TIAM1: variants seen among roughly 807,000 people sequenced by gnomAD.
The protein encoded by TIAM1 is TIAM Rac1 associated GEF 1, also known as rho guanine nucleotide exchange factor TIAM1.
TIAM1 carries 65 observed loss-of-function variants against 163.5 expected under a neutral mutation model. That is an observed-to-expected ratio of 0.40 (90% CI 0.33 to 0.49). TIAM1 has a LOEUF of 0.49. Ranked by LOEUF, TIAM1 falls within the 20% of genes least tolerant of loss-of-function variation. The pLI, the probability that TIAM1 is intolerant of heterozygous loss-of-function variation, is 0.77. For missense variants in TIAM1, 1,789 were observed against 2,044.7 expected (o/e 0.87, Z 2.41); for synonymous variants, 833 against 810.1 (o/e 1.03, Z -0.48).
chr21:31,244,315 C>T (rs553963482), intron 6 of TIAM1, among the ~76,000 whole-genome samples: 1 of 152,284 alleles, frequency 6.6e-6, no homozygotes, highest in South Asian at 2.1e-4. Context: ...TATATTCTTA[C>T]GGTCCTTGTC....
intron 2 of TIAM1, among the ~76,000 whole-genome samples, chr21:31,307,277 G>C (rs2074748798): frequency 6.6e-6 from 1 of 152,122 alleles, no homozygotes; most frequent in Non-Finnish European, 1.5e-5. Context: ...GTCCTCACCA[G>C]AGTATCCACA....
At chr21:31,526,555 T>TATGACAATGCTTTCCC (rs1464266966) in intron 1 of TIAM1, among the ~76,000 whole-genome samples, 3 of 152,144 alleles carry the variant, frequency 2.0e-5, no homozygotes, top group Non-Finnish European at 4.4e-5. Flanking sequence ...TCTAAGACGA[T>TATGACAATGCTTTCCC]ATGACAATGC....
At chr21:31,390,117 T>G (rs756467647) in intron 2 of TIAM1, among the ~76,000 whole-genome samples, 7 of 152,240 alleles carry the variant, frequency 4.6e-5, no homozygotes, top group Admixed American at 6.5e-5. Flanking sequence ...TTTTGGAGAA[T>G]TTATACTTAC....
At chr21:31,505,226 G>A (rs944173883) in intron 1 of TIAM1, among the ~76,000 whole-genome samples, 3 of 152,144 alleles carry the variant, frequency 2.0e-5, no homozygotes, top group Non-Finnish European at 2.9e-5. Context: ...GATAGAGATC[G>A]TGAATCCACC....
At chr21:31,433,638 A>G (rs7283519) in intron 2 of TIAM1, among the ~76,000 whole-genome samples, 11,994 of 152,202 alleles carry the variant, frequency 0.079, 1,559 homozygotes, top group African/African-American at 0.27. Context: ...AGGCTGAGAG[A>G]TTTTAATTAT....
At chr21:31,294,821 G>A (rs918704393) in intron 2 of TIAM1, among the ~76,000 whole-genome samples, 2 of 152,118 alleles carry the variant, frequency 1.3e-5, no homozygotes, top group African/African-American at 2.4e-5. Context: ...TGCCTCACTC[G>A]CACAAGCACG....
At chr21:31,187,888 C>G (rs1451720587) in intron 13 of TIAM1, among the ~76,000 whole-genome samples, 3 of 152,002 alleles carry the variant, frequency 2.0e-5, no homozygotes, top group African/African-American at 4.8e-5. Flanking sequence ...CAGTGAATAC[C>G]TACTTTGCTA....
At position 31,252,164 on chromosome 21, in the gene TIAM1, T is replaced by C; in HGVS notation, c.989A>G (p.Glu330Gly). The change falls in exon 5 of 28, where the codon GAG (glutamate) becomes GGG (glycine). Residue 330 changes from glutamate to glycine, a missense_variant. Coordinates refer to ENST00000541036, the MANE Select transcript of TIAM1 (RefSeq NM_001353694.2). ...TQDVNAGEGS[E>G]FADSGIEGAT... ...CCCTTCAATCCCACTGTCTGCAAACTCACTGCCCTCGCCTGCATTAACATC... is the reference window on the plus strand; with the variant it reads ...CCCTTCAATCCCACTGTCTGCAAACCCACTGCCCTCGCCTGCATTAACATC... The C allele has an allele frequency of 6.2e-7, 1 of 1,607,800 alleles. No homozygotes were observed.
At chr21:31,225,056 G>A (rs2146630384) in intron 7 of TIAM1, among the ~76,000 whole-genome samples, 1 of 152,128 alleles carries the variant, frequency 6.6e-6, no homozygotes, top group South Asian at 2.1e-4. Flanking sequence ...AGCTTGCTCT[G>A]TTACCCAGGC....
intron 1 of TIAM1, among the ~76,000 whole-genome samples, chr21:31,486,923 C>T (rs1024910227): frequency 1.8e-4 from 28 of 152,180 alleles, no homozygotes; most frequent in Admixed American, 9.8e-4. Context: ...GGAGTCTCCA[C>T]CTAGGGTCAG....
chr21:31,430,609 T>G (rs1049172380), intron 2 of TIAM1, among the ~76,000 whole-genome samples: 1 of 152,046 alleles, frequency 6.6e-6, no homozygotes, highest in Admixed American at 6.6e-5. Flanking sequence ...TAGGCTGAAC[T>G]GAGTTAGCTT....
chr21:31,228,581 A>T (rs1325285274), intron 6 of TIAM1, among the ~76,000 whole-genome samples: 1 of 152,218 alleles, frequency 6.6e-6, no homozygotes, highest in Non-Finnish European at 1.5e-5. Flanking sequence ...ATGTGGGATA[A>T]TCACACAATG....
At chr21:31,540,607 ACTT>A (rs2048292079) in intron 1 of TIAM1, among the ~76,000 whole-genome samples, 1 of 152,202 alleles carries the variant, frequency 6.6e-6, no homozygotes, top group South Asian at 2.1e-4. Flanking sequence ...CAGCCTGCTC[ACTT>A]CTTAAACTTC....
rs959093560 is a variant in TIAM1 at position 31,397,844 on chromosome 21, G to T, written c.-368-58422C>A. Among the ~76,000 whole-genome samples, 5 of 152,184 alleles carry T rather than the reference G, an allele frequency of 3.3e-5. No individual in the cohort carries two copies. In the South Asian group the frequency reaches 6.2e-4, roughly 19 times the overall value. On this transcript the variant is annotated intron_variant, in intron 2 of 28. Transcript: ENST00000286827. ...CATGGAAAACAGGGAAATGAGAAGG[G>T]ACAGAGGCAACAGGTCTCACACTAA...
At chr21:31,233,738 TC>T (rs757739199) in intron 6 of TIAM1, among the ~76,000 whole-genome samples, 23 of 152,188 alleles carry the variant, frequency 1.5e-4, no homozygotes, top group Non-Finnish European at 3.1e-4. Context: ...GAGGTTTCCC[TC>T]CCCCACTGAA....
chr21:31,400,963 C>G (rs1040869275), intron 2 of TIAM1, among the ~76,000 whole-genome samples: 1 of 152,026 alleles, frequency 6.6e-6, no homozygotes, highest in African/African-American at 2.4e-5. Context: ...TGGTGGCAGG[C>G]TCCTGTAATC....
At chr21:31,131,406 T>A (rs1290152668) in intron 23 of TIAM1, among the ~76,000 whole-genome samples, 2 of 152,236 alleles carry the variant, frequency 1.3e-5, no homozygotes, top group Non-Finnish European at 2.9e-5. Flanking sequence ...ATATAACTCA[T>A]CTTTTGACCT....
intron 2 of TIAM1, among the ~76,000 whole-genome samples, chr21:31,442,351 G>A (rs1569335453): frequency 6.7e-6 from 1 of 149,152 alleles, no homozygotes; most frequent in Non-Finnish European, 1.5e-5. Context: ...TCCCACCTCA[G>A]CCTCCTGAGT....
chr21:31,460,207 A>C, intron 2 of TIAM1, among the ~76,000 whole-genome samples: 1 of 152,192 alleles, frequency 6.6e-6, no homozygotes, highest in East Asian at 1.9e-4. Context: ...CCCAGGCAGT[A>C]GTGGGTGGGT....
Sources: allele counts gnomAD v4.1 joint callset (sites outside exome capture counted in the v4.1 genomes callset), GRCh38; gene constraint gnomAD v4.1.1; transcripts MANE v1.5; gene names NCBI Gene and HGNC (gene_info 2026-07-23, HGNC 2026-07-21).